The following IQGAP1 variants were observed in gnomAD, a reference collection of about 807,000 sequenced individuals.
The protein encoded by IQGAP1 is ras GTPase-activating-like protein IQGAP1.
IQGAP1 carries 66 observed loss-of-function variants against 215.6 expected under a neutral mutation model. The ratio of observed to expected loss-of-function variants is 0.31; its 90% confidence interval spans 0.25 to 0.38. The LOEUF is 0.38. IQGAP1 is among the 10% of genes least tolerant of loss of function. The pLI is 1.00. For synonymous variants in IQGAP1, 772 were observed against 728.7 expected (o/e 1.06, Z -0.96); for missense variants, 1,712 against 1,997.1 (o/e 0.86, Z 2.72).
chr15:90,473,050 T>C (rs753830356), intron 19 of IQGAP1, 40 bp downstream of exon 19: 1 of 1,586,246 alleles, frequency 6.3e-7, no homozygotes, highest in East Asian at 2.2e-5. Flanking sequence ...AGCGGGCATC[T>C]AGAGCAGGGG....
chr15:90,487,492 C>T lies in IQGAP1; in HGVS notation c.4161-3C>T. The T allele has an allele frequency of 6.2e-7, 1 of 1,610,596 alleles. No homozygotes were observed. The highest frequency in any genetic ancestry group is 8.5e-7 in the Non-Finnish European group (1 of 1,176,862). ...TTTAAATGCCTCCCCCATCTCGTTT[C>T]AGTACAAAACGTTTAATTGTGGATG... On this transcript the variant is annotated splice_region_variant and splice_polypyrimidine_tract_variant and intron_variant, in intron 32 of 37. Transcript: ENST00000268182.
intron 26 of IQGAP1, 108 bp from the exon 27 acceptor site, chr15:90,481,852 G>A: frequency 8.5e-7 from 1 of 1,177,112 alleles, no homozygotes; most frequent in South Asian, 1.5e-5. Flanking sequence ...ATGAGCTTAA[G>A]CTATCTAATA....
Position 90,501,891 on chromosome 15 carries a change from G to A in IQGAP1, c.*1783G>A, listed in dbSNP as rs1966346247. On this transcript the variant is annotated 3_prime_UTR_variant, in exon 38 of 38. Transcript: ENST00000268182. ...GAGTTTACAGCTCCTTTAATAAAAT[G>A]TGTCAGTAATTTTAAGGTTTATAGT... 1 of 152,122 alleles carries A rather than the reference G, an allele frequency of 6.6e-6. No individual in the cohort carries two copies. The highest frequency in any genetic ancestry group is 1.5e-5 in the Non-Finnish European group (1 of 68,038). The allele number at this position is 152,122 out of a possible 1,614,324, so 9.4% of individuals were successfully genotyped here. A position where few individuals can be genotyped will look rare whatever the true frequency, so the allele number is the denominator to read the frequency against.
intron 1 of IQGAP1, among the ~76,000 whole-genome samples, chr15:90,390,435 TA>T (rs1964619616): frequency 6.6e-6 from 1 of 152,222 alleles, no homozygotes; most frequent in South Asian, 2.1e-4. Context: ...TGGTCATTAA[TA>T]AAAGAGGGAA....
intron 36 of IQGAP1, chr15:90,496,958 A>G: frequency 3.8e-6 from 1 of 260,346 alleles, no homozygotes; most frequent in Non-Finnish European, 7.3e-6. Flanking sequence ...TCATCCCTTC[A>G]CACGCCACTT....
chr15:90,455,235 C>T (rs549992007), intron 14 of IQGAP1, among the ~76,000 whole-genome samples: 22 of 152,122 alleles, frequency 1.4e-4, no homozygotes, highest in Non-Finnish European at 2.4e-4. Flanking sequence ...GTTACATATG[C>T]GTGATTGATA....
At chr15:90,450,371 AT>A (rs1668653802) in intron 11 of IQGAP1, among the ~76,000 whole-genome samples, 1 of 43,816 alleles carries the variant, frequency 2.3e-5, no homozygotes, top group African/African-American at 8.4e-5. Context: ...TTTACCATTT[AT>A]TCATTGATGG....
rs1258737652 is a variant in IQGAP1, at chr15:90,396,534, C to T, written c.155+5661C>T. 2.0e-5 allele frequency among the ~76,000 whole-genome samples: 3 copies of T among 152,088 alleles called. No individual in the cohort carries two copies. In the South Asian group the frequency reaches 6.2e-4, roughly 32 times the overall value. ...ATGTAGCTGCGTAATGGCACGGTGG[C>T]ACTAGGAGCTGATCCATTCATTTAT... is the stretch of plus-strand genomic sequence containing the variant. On this transcript the variant is annotated intron_variant, in intron 2 of 37. Coordinates refer to ENST00000268182, the MANE Select transcript of IQGAP1 (RefSeq NM_003870.4).
At chr15:90,458,086 G>GT (rs748973066) in intron 15 of IQGAP1, among the ~76,000 whole-genome samples, 10 of 152,148 alleles carry the variant, frequency 6.6e-5, no homozygotes, top group Non-Finnish European at 1.2e-4. Flanking sequence ...CTGCTGGTTT[G>GT]TCTATGGGTT....
chr15:90,502,210 C>G lies in IQGAP1; in HGVS notation c.*2102C>G, dbSNP rs763662272. On this transcript the variant is annotated 3_prime_UTR_variant, in exon 38 of 38. Transcript: ENST00000268182. ...TTGCTGCACATAGTTGCCTTTGTATCTCTGTATGAAATAAAAGGTCATTTG... is the reference window on the plus strand; with the variant it reads ...TTGCTGCACATAGTTGCCTTTGTATGTCTGTATGAAATAAAAGGTCATTTG... 8 of 152,626 alleles carry G rather than the reference C, an allele frequency of 5.2e-5. No homozygotes were observed. Among genetic ancestry groups the G allele is most frequent in the Non-Finnish European group, 2.9e-5 (2 of 68,044 alleles). The allele number at this position is 152,626 out of a possible 1,614,324, so 9.5% of individuals were successfully genotyped here. A position where few individuals can be genotyped will look rare whatever the true frequency, so the allele number is the denominator to read the frequency against.
intron 37 of IQGAP1, 59 bp from the exon 38 acceptor site, chr15:90,499,936 C>T: frequency 1.7e-6 from 2 of 1,147,660 alleles, no homozygotes; most frequent in Middle Eastern, 2.0e-4. Context: ...TTTCCTTGTT[C>T]CACAGACTTG....
chr15:90,470,573 T>A lies in IQGAP1; in HGVS notation c.2179-2267T>A, dbSNP rs527251891. On this transcript the variant is annotated intron_variant, in intron 18 of 37. Coordinates refer to ENST00000268182, the MANE Select transcript of IQGAP1 (RefSeq NM_003870.4). ...TCTTTGAAAAAATAATAATACAAAATTTTTTTAAAGCCCATGGAATTTCCC... is the reference window on the plus strand; with the variant it reads ...TCTTTGAAAAAATAATAATACAAAAATTTTTTAAAGCCCATGGAATTTCCC... Among the ~76,000 whole-genome samples the A allele has an allele frequency of 2.6e-3, 390 of 152,130 alleles. 2 individuals carry two copies. Among genetic ancestry groups the A allele is most frequent in the Middle Eastern group, 0.014 (4 of 294 alleles).
At chr15:90,476,269 T>G (rs1316336428) in intron 23 of IQGAP1, among the ~76,000 whole-genome samples, 6 of 152,182 alleles carry the variant, frequency 3.9e-5, no homozygotes, top group African/African-American at 1.4e-4. Context: ...TATTAGATTT[T>G]TAGAAGATAT....
chr15:90,426,696 G>A (rs532929319), intron 3 of IQGAP1, among the ~76,000 whole-genome samples: 4 of 151,778 alleles, frequency 2.6e-5, no homozygotes, highest in African/African-American at 9.7e-5. Flanking sequence ...GGCTCACGCC[G>A]GTAATCCCAG....
intron 9 of IQGAP1, among the ~76,000 whole-genome samples, chr15:90,444,277 GTGTATATA>G (rs1400565409): frequency 5.9e-4 from 66 of 111,138 alleles, no homozygotes; most frequent in African/African-American, 2.8e-3. Context: ...GTGTGTGTGT[GTGTATATA>G]TATATTTTTT....
chr15:90,422,626 G>A (rs8029553), intron 2 of IQGAP1, among the ~76,000 whole-genome samples: 3,699 of 46,758 alleles, frequency 0.079, 172 homozygotes, highest in East Asian at 0.32. Flanking sequence ...ATATATATAT[G>A]TATATATATA....
At chr15:90,463,770 C>T (rs1242543579) in intron 15 of IQGAP1, among the ~76,000 whole-genome samples, 1 of 152,118 alleles carries the variant, frequency 6.6e-6, no homozygotes, top group African/African-American at 2.4e-5. Flanking sequence ...AAGGCCAGCA[C>T]CTACCATAAT....
At position 90,479,757 on chromosome 15, in the gene IQGAP1, T is replaced by C. The variant is rs1486417932; in HGVS notation, c.3329+1868T>C. The stretch of plus-strand genomic sequence containing the variant: ...AAAGAAAGAAGGGGCGTTTCCTTAT[T>C]AGGAATCATTTGGCATCTGATTGGT... On this transcript the variant is annotated intron_variant, in intron 26 of 37. Coordinates refer to ENST00000268182, the MANE Select transcript of IQGAP1 (RefSeq NM_003870.4). Among the ~76,000 whole-genome samples the C allele has an allele frequency of 3.9e-5, 6 of 151,990 alleles. No individual in the cohort carries two copies. In the South Asian group the frequency reaches 1.3e-3, roughly 32 times the overall value.
In IQGAP1 at chr15:90,388,328, C is replaced by A. The variant is rs765703669; in HGVS notation, c.-14C>A. Reference sequence around the variant, plus strand: ...TTTCACGGCTTCCTCAGCAGAGACTCGGGCTCGTCCGCCATGTCCGCCGCA... The same window carrying A: ...TTTCACGGCTTCCTCAGCAGAGACTAGGGCTCGTCCGCCATGTCCGCCGCA... On this transcript the variant is annotated 5_prime_UTR_variant, in exon 1 of 38. Coordinates refer to ENST00000268182, the MANE Select transcript of IQGAP1 (RefSeq NM_003870.4). The A allele has an allele frequency of 6.3e-6, 10 of 1,595,900 alleles. No individual in the cohort carries two copies. The highest frequency in any genetic ancestry group is 7.7e-6 in the Non-Finnish European group (9 of 1,172,830).
Sources: allele counts gnomAD v4.1 joint callset (sites outside exome capture counted in the v4.1 genomes callset), GRCh38; gene constraint gnomAD v4.1.1; transcripts MANE v1.5; gene names NCBI Gene and HGNC (gene_info 2026-07-23, HGNC 2026-07-21).